Variants in EIF2AK4 observed in about 807,000 individuals in gnomAD.
EIF2AK4 encodes the protein eukaryotic translation initiation factor 2 alpha kinase 4.
A neutral mutation model predicts 211.1 loss-of-function variants in EIF2AK4; 139 were observed. The observed-to-expected ratio is 0.66, with a 90% CI of 0.57 to 0.76. EIF2AK4 has a LOEUF of 0.76. Among genes scored for constraint, EIF2AK4 ranks in the 30% least tolerant of loss-of-function variants. EIF2AK4 has a pLI of 0.00. For synonymous variants in EIF2AK4, 710 were observed against 751.3 expected (o/e 0.94, Z 0.90); for missense variants, 1,664 against 2,043.8 (o/e 0.81, Z 3.58).
intron 1 of EIF2AK4, among the ~76,000 whole-genome samples, chr15:39,937,907 A>G (rs185757718): frequency 2.2e-4 from 34 of 152,350 alleles, no homozygotes; most frequent in Non-Finnish European, 4.4e-4. Context: ...ACTTTCAAAA[A>G]TTGTTACTGA....
At chr15:40,013,236 C>T (rs553140747) in intron 27 of EIF2AK4, among the ~76,000 whole-genome samples, 5 of 152,252 alleles carry the variant, frequency 3.3e-5, no homozygotes, top group African/African-American at 1.2e-4. Flanking sequence ...GTGGCACAAT[C>T]ATAGTTCACT....
In EIF2AK4 at chr15:39,954,188, A is replaced by G. The variant is rs80222650; in HGVS notation, c.594+204A>G. On this transcript the variant is annotated intron_variant, in intron 5 of 38. Coordinates refer to ENST00000263791, the MANE Select transcript of EIF2AK4 (RefSeq NM_001013703.4). ...TTGTCAGTAGATGATTTAGACTTAC[A>G]TAATTACTGTAATTTATCAAATGAG... is the stretch of plus-strand genomic sequence containing the variant. Among the ~76,000 whole-genome samples, 2,605 of 152,322 alleles carry G rather than the reference A, an allele frequency of 0.017. 85 individuals are homozygous for G. Among genetic ancestry groups the G allele is most frequent in the African/African-American group, 0.06 (2,491 of 41,560 alleles).
intron 3 of EIF2AK4, among the ~76,000 whole-genome samples, chr15:39,944,888 A>C (rs2034206151): frequency 6.6e-6 from 1 of 152,242 alleles, no homozygotes; most frequent in Non-Finnish European, 1.5e-5. Context: ...GTCATAGTAC[A>C]GTCCATGGAA....
chr15:39,972,485 C>G (rs2034638776), intron 9 of EIF2AK4, among the ~76,000 whole-genome samples: 1 of 152,132 alleles, frequency 6.6e-6, no homozygotes, highest in Non-Finnish European at 1.5e-5. Context: ...GCTCGTCATA[C>G]TGAGCCACTC....
intron 1 of EIF2AK4, among the ~76,000 whole-genome samples, chr15:39,938,385 C>T (rs2034098020): frequency 2.0e-5 from 3 of 152,236 alleles, no homozygotes; most frequent in South Asian, 2.1e-4. Context: ...TATTATAAAG[C>T]CATATAAGAA....
intron 25 of EIF2AK4, among the ~76,000 whole-genome samples, chr15:40,009,153 A>G (rs950084901): frequency 6.6e-6 from 1 of 151,676 alleles, no homozygotes; most frequent in Non-Finnish European, 1.5e-5. Flanking sequence ...GTGCAGTGAT[A>G]CTATCACAGC....
intron 23 of EIF2AK4, among the ~76,000 whole-genome samples, chr15:40,004,457 G>A (rs1595423289): frequency 6.6e-6 from 1 of 152,178 alleles, no homozygotes; most frequent in Admixed American, 6.5e-5. Context: ...GCTCATGCCT[G>A]TAATTCCAGA....
intron 31 of EIF2AK4, 118 bp from the exon 32 acceptor site, chr15:40,022,401 C>A: frequency 1.2e-6 from 1 of 858,166 alleles, no homozygotes. Context: ...CTGAAGTCAG[C>A]ATTTTAGTAA....
At chr15:39,993,123 TC>T (rs2034971759) in intron 18 of EIF2AK4, among the ~76,000 whole-genome samples, 1 of 134,438 alleles carries the variant, frequency 7.4e-6, no homozygotes. Flanking sequence ...CATCCACCCA[TC>T]CATCCACCCA....
intron 27 of EIF2AK4, among the ~76,000 whole-genome samples, chr15:40,015,798 T>C (rs1334892241): frequency 6.6e-6 from 1 of 152,230 alleles, no homozygotes; most frequent in East Asian, 1.9e-4. Flanking sequence ...ATGGCTATAA[T>C]TTTGTTTCTT....
chr15:40,025,384 T>C (rs951169824), intron 32 of EIF2AK4, among the ~76,000 whole-genome samples: 24 of 152,140 alleles, frequency 1.6e-4, no homozygotes, highest in African/African-American at 5.8e-4. Context: ...ATGTGTAGCA[T>C]GGAATAGAGT....
intron 19 of EIF2AK4, 71 bp downstream of exon 19, chr15:39,997,136 G>A (rs1198607942): frequency 8.7e-7 from 1 of 1,153,720 alleles, no homozygotes; most frequent in Non-Finnish European, 1.3e-6. Flanking sequence ...AGAATTCAAA[G>A]CAGGATATTT....
In EIF2AK4 at chr15:39,961,983, C is replaced by G. The variant is rs17848528; in HGVS notation, c.859+84C>G. The G allele has an allele frequency of 2.3e-4, 242 of 1,052,290 alleles. 3 individuals are homozygous for G. The East Asian group carries it at 2.4e-3, about 10-fold the overall frequency. The allele number at this position is 1,052,290 out of a possible 1,614,324, so 65.2% of individuals were successfully genotyped here. ...GAATGGGATGGATTAGACACTGTGT[C>G]ATTCAGACCAGTGCAGTCCAAGGAA... On this transcript the variant is annotated intron_variant, in intron 7 of 38. Transcript: ENST00000263791.
At chr15:39,938,701 C>T (rs1023864908) in intron 1 of EIF2AK4, among the ~76,000 whole-genome samples, 5 of 152,124 alleles carry the variant, frequency 3.3e-5, no homozygotes, top group Non-Finnish European at 7.4e-5. Flanking sequence ...CCAGCTCTGT[C>T]CCTGTGTATC....
intron 23 of EIF2AK4, among the ~76,000 whole-genome samples, chr15:40,006,754 TA>T (rs894800072): frequency 8.5e-5 from 13 of 152,050 alleles, no homozygotes; most frequent in South Asian, 2.1e-4. Flanking sequence ...AAGTGAATTT[TA>T]AAAAAAACCT....
chr15:39,985,787 GT>G lies in EIF2AK4; in HGVS notation c.2320-17del, dbSNP rs768831350. On this transcript the variant is annotated splice_polypyrimidine_tract_variant and intron_variant, in intron 13 of 38. Coordinates refer to ENST00000263791, the MANE Select transcript of EIF2AK4 (RefSeq NM_001013703.4). ...TTTGGCCTCCATTTTGAGTTATTGT[GT>G]GTTCGTCTTGGGTTAGGATGAAGAT... The G allele has an allele frequency of 1.9e-5, 31 of 1,613,558 alleles. No homozygotes were observed. The highest frequency in any genetic ancestry group is 2.5e-5 in the Non-Finnish European group (30 of 1,179,738).
intron 24 of EIF2AK4, 71 bp from the exon 25 acceptor site, chr15:40,007,956 G>C (rs2035183220): frequency 1.7e-6 from 2 of 1,208,138 alleles, no homozygotes; most frequent in Non-Finnish European, 2.2e-6. Flanking sequence ...CTTATATCTT[G>C]TTCAACAATT....
intron 13 of EIF2AK4, among the ~76,000 whole-genome samples, chr15:39,978,873 C>G (rs1352642619): frequency 6.6e-6 from 1 of 152,144 alleles, no homozygotes; most frequent in Non-Finnish European, 1.5e-5. Context: ...TCGTGAGACA[C>G]TACATACATC....
chr15:40,034,291 G>A (rs182505179), intron 37 of EIF2AK4, 35 bp from the exon 38 acceptor site: 2 of 1,560,606 alleles, frequency 1.3e-6, no homozygotes. Flanking sequence ...AAACCCTAGA[G>A]ACCTGTTGTT....
Sources: allele counts gnomAD v4.1 joint callset (sites outside exome capture counted in the v4.1 genomes callset), GRCh38; gene constraint gnomAD v4.1.1; transcripts MANE v1.5; gene names NCBI Gene and HGNC (gene_info 2026-07-23, HGNC 2026-07-21).